Variants in GAD1 observed in about 807,000 individuals in gnomAD.
GAD1 encodes glutamate decarboxylase 1.
In GAD1, 35 loss-of-function variants were observed where a neutral mutation model predicts 75.2. That is an observed-to-expected ratio of 0.47 (90% CI 0.36 to 0.62). GAD1 has a LOEUF of 0.62. GAD1 is among the 20% of genes least tolerant of loss of function. GAD1 has a pLI of 0.00. For missense variants in GAD1, 490 were observed against 758.5 expected, an observed-to-expected ratio of 0.65 and a Z score of 4.16; for synonymous variants, 257 against 271.9, an observed-to-expected ratio of 0.95 and a Z score of 0.54.
In GAD1 at chr2:170,860,069, A is replaced by T. The variant is rs1702931167; in HGVS notation, c.*187A>T. 2 of 640,506 alleles carry T rather than the reference A, an allele frequency of 3.1e-6. No homozygotes were observed. The highest frequency in any genetic ancestry group is 5.5e-6 in the Non-Finnish European group (2 of 365,544). The allele number at this position is 640,506 out of a possible 1,614,324, so 39.7% of individuals were successfully genotyped here. On this transcript the variant is annotated 3_prime_UTR_variant, in exon 17 of 17. Coordinates refer to ENST00000358196, the MANE Select transcript of GAD1 (RefSeq NM_000817.3). The stretch of plus-strand genomic sequence containing the variant: ...TTAGCAGGAAATAGTGTTCTTTTTA[A>T]AAAGTTGCACATTAGGAACAGAGTA...
rs3838553 is a variant in GAD1 at position 170,819,291 on chromosome 2, GAAATAAATAAAT to G, written c.82+632_82+643del. ...TTCATACAATTAATTACATCTCAGA[GAAATAAATAAAT>G]AAATAAATAAATAGGGGAGCGGGCG... On this transcript the variant is annotated intron_variant, in intron 2 of 16. Coordinates refer to ENST00000358196, the MANE Select transcript of GAD1 (RefSeq NM_000817.3). Among the ~76,000 whole-genome samples, 371 of 149,772 alleles carry G rather than the reference GAAATAAATAAAT, an allele frequency of 2.5e-3. 2 individuals are homozygous for G. Among genetic ancestry groups the G allele is most frequent in the African/African-American group, 8.7e-3 (352 of 40,522 alleles).
At chr2:170,838,332 G>A (rs1278280061) in intron 6 of GAD1, among the ~76,000 whole-genome samples, 1 of 152,160 alleles carries the variant, frequency 6.6e-6, no homozygotes, top group East Asian at 1.9e-4. Context: ...AATCTTTACT[G>A]TACTGTGATT....
At chr2:170,814,946 T>G (rs1350697078), upstream of GAD1, among the ~76,000 whole-genome samples, 2 of 152,092 alleles carry the variant, frequency 1.3e-5, no homozygotes, top group Non-Finnish European at 2.9e-5. Flanking sequence ...TCACGGGTTT[T>G]GGGAAAAGGT....
intron 12 of GAD1, 30 bp from the exon 13 acceptor site, chr2:170,852,684 C>T (rs773670671): frequency 1.2e-6 from 2 of 1,600,442 alleles, no homozygotes; most frequent in South Asian, 2.2e-5. Context: ...AACTCCTGCA[C>T]CTTCTCGAAG....
intron 14 of GAD1, among the ~76,000 whole-genome samples, chr2:170,855,597 G>A (rs1418493662): frequency 6.6e-6 from 1 of 151,768 alleles, no homozygotes; most frequent in Non-Finnish European, 1.5e-5. Flanking sequence ...GCCATAGGCT[G>A]GGCACGGTGG....
intron 10 of GAD1, 50 bp downstream of exon 10, chr2:170,846,113 C>T: frequency 7.1e-7 from 1 of 1,417,712 alleles, no homozygotes; most frequent in Non-Finnish European, 1.0e-6. Context: ...TACCTTCTTT[C>T]TGTCCTAGAC....
At chr2:170,821,218 G>C (rs1292724188) in intron 2 of GAD1, among the ~76,000 whole-genome samples, 1 of 152,218 alleles carries the variant, frequency 6.6e-6, no homozygotes, top group East Asian at 1.9e-4. Flanking sequence ...TCCGCTTGGG[G>C]GCTTAGTGGG....
At chr2:170,828,775 C>T (rs1185760087) in intron 3 of GAD1, among the ~76,000 whole-genome samples, 2 of 147,780 alleles carry the variant, frequency 1.4e-5, no homozygotes, top group Non-Finnish European at 3.0e-5. Flanking sequence ...CTCTGCTGTC[C>T]TCACCCTCCT....
intron 7 of GAD1, 170 bp from the exon 8 acceptor site, chr2:170,845,336 A>C: frequency 1.5e-6 from 1 of 687,664 alleles, no homozygotes. Context: ...TTCCCAGGGT[A>C]AAGGGTCCAG....
chr2:170,852,836 T>A (rs368578318), intron 13 of GAD1, 44 bp downstream of exon 13: 239 of 1,561,262 alleles, frequency 1.5e-4, no homozygotes, highest in Middle Eastern at 6.7e-4. Flanking sequence ...GTACGTTCTT[T>A]AGAAAGCACA....
At chr2:170,835,959 C>A (rs1702360890) in intron 5 of GAD1, among the ~76,000 whole-genome samples, 1 of 151,990 alleles carries the variant, frequency 6.6e-6, no homozygotes, top group African/African-American at 2.4e-5. Context: ...TTTGTGAGGG[C>A]TCTTAAGATG....
chr2:170,832,221 C>G (rs1702249364), intron 5 of GAD1, among the ~76,000 whole-genome samples: 2 of 152,182 alleles, frequency 1.3e-5, no homozygotes, highest in South Asian at 4.1e-4. Flanking sequence ...TCTCACAATT[C>G]TGGAGGCTAG....
intron 7 of GAD1, among the ~76,000 whole-genome samples, chr2:170,844,591 G>A (rs1575441220): frequency 6.6e-6 from 1 of 151,802 alleles, no homozygotes; most frequent in Non-Finnish European, 1.5e-5. Flanking sequence ...AATTTCTTTT[G>A]TAGAAACAAG....
In GAD1 at chr2:170,818,588, G is replaced by A; in HGVS notation, c.-4G>A. ...ACAGTAGAGGCCCCGGGACGACCGA[G>A]CTGATGGCGTCTTCGACCCCATCTT... is the stretch of plus-strand genomic sequence containing the variant. On this transcript the variant is annotated 5_prime_UTR_variant, in exon 2 of 17. Coordinates refer to ENST00000358196, the MANE Select transcript of GAD1 (RefSeq NM_000817.3). The surrounding 1 kb of genome is among the most constrained non-coding windows in gnomAD (Gnocchi z 5.9). 1.9e-6 allele frequency: 3 copies of A among 1,614,100 alleles called. No homozygotes were observed. Among genetic ancestry groups the A allele is most frequent in the Non-Finnish European group, 2.5e-6 (3 of 1,179,990 alleles).
intron 3 of GAD1, among the ~76,000 whole-genome samples, chr2:170,824,378 T>TACACACACACACAC (rs10529529): frequency 2.2e-4 from 32 of 146,406 alleles, no homozygotes; most frequent in African/African-American, 6.9e-4. Context: ...CCTGCCTGCC[T>TACACACACACACAC]ACACACACAC....
At chr2:170,852,608 A>G (rs1483974963) in intron 12 of GAD1, 106 bp from the exon 13 acceptor site, 1 of 898,346 alleles carries the variant, frequency 1.1e-6, no homozygotes, top group Non-Finnish European at 1.8e-6. Context: ...GAGAATAGGC[A>G]TGGATAATAT....
chr2:170,845,834 C>A, intron 9 of GAD1, 49 bp downstream of exon 9: 1 of 1,570,440 alleles, frequency 6.4e-7, no homozygotes, highest in South Asian at 1.1e-5. Flanking sequence ...TAAATGTGTT[C>A]ATCTGTTAAA....
chr2:170,824,010 G>A (rs1018839488), intron 3 of GAD1, among the ~76,000 whole-genome samples: 1 of 152,186 alleles, frequency 6.6e-6, no homozygotes, highest in African/African-American at 2.4e-5. Context: ...TAAAGAGGCG[G>A]GAAAGAGTGG....
intron 6 of GAD1, 72 bp downstream of exon 6, chr2:170,836,955 C>A: frequency 9.7e-7 from 1 of 1,027,296 alleles, no homozygotes; most frequent in East Asian, 2.4e-5. Flanking sequence ...AAGTTCAGTC[C>A]CAGTGGTTCT....
Sources: allele counts gnomAD v4.1 joint callset (sites outside exome capture counted in the v4.1 genomes callset), GRCh38; gene constraint gnomAD v4.1.1; non-coding constraint Gnocchi (gnomAD v3.1); transcripts MANE v1.5; gene names NCBI Gene and HGNC (gene_info 2026-07-23, HGNC 2026-07-21).